The following WWOX variants were observed in gnomAD, a reference collection of about 807,000 sequenced individuals.
WWOX encodes the protein WW domain containing oxidoreductase, also known as WW domain-containing oxidoreductase.
Under a neutral mutation model 46.2 loss-of-function variants are expected in WWOX, and 69 were observed. The ratio of observed to expected loss-of-function variants is 1.49; its 90% CI spans 1.23 to 1.82. The LOEUF (loss-of-function observed/expected upper bound fraction) is 1.82, where lower values mean the gene tolerates loss of function less well. Among genes scored for constraint, WWOX ranks in the 40% most tolerant of loss-of-function variants. WWOX has a pLI of 0.00. For missense variants in WWOX, 919 were observed against 542.6 expected, an observed-to-expected ratio of 1.69 and a Z score of -6.89; for synonymous variants, 359 against 202.6, an observed-to-expected ratio of 1.77 and a Z score of -6.56.
At chr16:78,134,757 T>A (rs1300558995) in intron 4 of WWOX, among the ~76,000 whole-genome samples, 2 of 152,226 alleles carry the variant, frequency 1.3e-5, no homozygotes, top group Non-Finnish European at 2.9e-5. Context: ...GGAGATATTT[T>A]CCTTGTTGTT....
chr16:78,969,473 G>A (rs926329139), intron 8 of WWOX, among the ~76,000 whole-genome samples: 12 of 152,002 alleles, frequency 7.9e-5, no homozygotes, highest in Non-Finnish European at 1.6e-4. Context: ...GTTTCACCGT[G>A]TTGGCCAGGC....
At chr16:78,188,129 T>G (rs1204946299) in intron 5 of WWOX, among the ~76,000 whole-genome samples, 1 of 152,208 alleles carries the variant, frequency 6.6e-6, no homozygotes, top group African/African-American at 2.4e-5. Context: ...CTTGTCAATA[T>G]GTATTAAATC....
At chr16:78,470,324 A>G (rs894326918) in intron 8 of WWOX, among the ~76,000 whole-genome samples, 3 of 152,204 alleles carry the variant, frequency 2.0e-5, no homozygotes, top group African/African-American at 7.2e-5. Flanking sequence ...GATGCGGGGC[A>G]TAGTACATCT....
At chr16:78,716,654 G>C (rs572695023) in intron 8 of WWOX, among the ~76,000 whole-genome samples, 15 of 151,968 alleles carry the variant, frequency 9.9e-5, no homozygotes, top group Non-Finnish European at 1.6e-4. Context: ...CTCTCACTGT[G>C]CTGCTCCTTG....
intron 8 of WWOX, among the ~76,000 whole-genome samples, chr16:78,670,732 A>C (rs1226357360): frequency 1.3e-5 from 2 of 152,116 alleles, no homozygotes; most frequent in African/African-American, 4.8e-5. Context: ...GGCTAGTCTC[A>C]AACTGTTGGG....
chr16:78,543,322 A>G (rs1338589302), intron 8 of WWOX, among the ~76,000 whole-genome samples: 4 of 152,186 alleles, frequency 2.6e-5, no homozygotes, highest in African/African-American at 4.8e-5. Context: ...GAGGGTGGGA[A>G]TGTCTCATCC....
chr16:79,153,293 C>G (rs1018649969), intron 8 of WWOX, among the ~76,000 whole-genome samples: 3 of 152,126 alleles, frequency 2.0e-5, no homozygotes, highest in African/African-American at 4.8e-5. Context: ...TGAGACTCCC[C>G]TGTACAATTT....
At chr16:78,903,309 C>G (rs949076204) in intron 8 of WWOX, among the ~76,000 whole-genome samples, 2 of 152,184 alleles carry the variant, frequency 1.3e-5, no homozygotes, top group East Asian at 3.9e-4. Context: ...ATGCAAACAT[C>G]TGATTGGTTT....
chr16:79,159,936 C>T (rs189579206), intron 8 of WWOX, among the ~76,000 whole-genome samples: 1 of 152,114 alleles, frequency 6.6e-6, no homozygotes, highest in East Asian at 1.9e-4. Context: ...TGACTCCCAA[C>T]CCTCCCCAGG....
intron 8 of WWOX, among the ~76,000 whole-genome samples, chr16:79,039,431 G>C (rs1597313689): frequency 6.6e-6 from 1 of 152,170 alleles, no homozygotes; most frequent in Non-Finnish European, 1.5e-5. Flanking sequence ...CCTGGAACAG[G>C]AGGAGCAGCT....
chr16:78,686,488 G>A (rs1356262933), intron 8 of WWOX, among the ~76,000 whole-genome samples: 1 of 150,182 alleles, frequency 6.7e-6, no homozygotes, highest in East Asian at 2.0e-4. Flanking sequence ...TCCAGCCTGG[G>A]GGACAGAGCG....
At chr16:79,097,476 A>G (rs1246484656) in intron 8 of WWOX, among the ~76,000 whole-genome samples, 1 of 152,122 alleles carries the variant, frequency 6.6e-6, no homozygotes, top group African/African-American at 2.4e-5. Flanking sequence ...TTACAAAAGC[A>G]AAATCCATAT....
At chr16:78,898,652 C>G (rs191089951) in intron 8 of WWOX, 134 of 152,210 alleles carry the variant, frequency 8.8e-4, no homozygotes, top group African/African-American at 3.1e-3. Context: ...TTTTAAAAAG[C>G]CTTGCTGGGA....
chr16:78,123,441 T>TTTTGTTTTTTTTTG (rs1567584452), intron 4 of WWOX: 1 of 42,962 alleles, frequency 2.3e-5, no homozygotes, highest in Non-Finnish European at 3.8e-5. Context: ...TTTTGTTTTG[T>TTTTGTTTTTTTTTG]TTTTTTTTTT....
intron 5 of WWOX, among the ~76,000 whole-genome samples, chr16:78,362,984 C>A (rs987771312): frequency 6.6e-6 from 1 of 152,152 alleles, no homozygotes; most frequent in Non-Finnish European, 1.5e-5. Flanking sequence ...CAGCATTAGG[C>A]AATATTCAAG....
At chr16:78,671,253 T>C (rs2047456714) in intron 8 of WWOX, among the ~76,000 whole-genome samples, 1 of 151,950 alleles carries the variant, frequency 6.6e-6, no homozygotes, top group African/African-American at 2.4e-5. Context: ...CGAGACCCCG[T>C]CTCTACAAAA....
Position 79,023,045 on chromosome 16 carries a change from G to GA in WWOX, c.1057-188557dup, listed in dbSNP as rs1008528351. 3.4e-3 allele frequency among the ~76,000 whole-genome samples: 506 copies of GA among 147,262 alleles called. 2 individuals are homozygous for GA. The highest frequency in any genetic ancestry group is 0.014 in the East Asian group (70 of 5,060). On this transcript the variant is annotated intron_variant, in intron 8 of 8. Coordinates refer to ENST00000566780, the MANE Select transcript of WWOX (RefSeq NM_016373.4). Reference sequence around the variant, plus strand: ...CAGCACTCACTGCTGTTGGCTTATTGAAAAAACAAAAATAATACCTACAAT... The same window carrying GA: ...CAGCACTCACTGCTGTTGGCTTATTGAAAAAAACAAAAATAATACCTACAAT...
Position 78,902,085 on chromosome 16 carries a change from A to G in WWOX, c.1057-309523A>G, listed in dbSNP as rs2044844678. Among the ~76,000 whole-genome samples, 3 of 152,198 alleles carry G rather than the reference A, an allele frequency of 2.0e-5. No individual in the cohort carries two copies. The South Asian group carries it at 6.2e-4, about 31-fold the overall frequency. On this transcript the variant is annotated intron_variant, in intron 8 of 8. Transcript: ENST00000566780. ...TGGCAAAATCGTCTTGGAGAAGGAAATGGTGCAGATTTCAGAGCTGGCAGA... is the reference window on the plus strand; with the variant it reads ...TGGCAAAATCGTCTTGGAGAAGGAAGTGGTGCAGATTTCAGAGCTGGCAGA...
intron 8 of WWOX, among the ~76,000 whole-genome samples, chr16:78,817,015 T>C (rs1434699499): frequency 6.6e-6 from 1 of 152,114 alleles, no homozygotes; most frequent in Non-Finnish European, 1.5e-5. Context: ...GCTTGGGTTC[T>C]GACCAACTGT....
Sources: allele counts gnomAD v4.1 joint callset (sites outside exome capture counted in the v4.1 genomes callset), GRCh38; gene constraint gnomAD v4.1.1; transcripts MANE v1.5; gene names NCBI Gene and HGNC (gene_info 2026-07-23, HGNC 2026-07-21).